The following TPRG1 variants were observed in gnomAD, a reference collection of about 807,000 sequenced individuals.
TPRG1 encodes the protein tumor protein p63 regulated 1.
A neutral mutation model predicts 29.3 loss-of-function variants in TPRG1; 29 were observed. That is an observed-to-expected ratio of 0.99 (90% CI 0.74 to 1.35). The LOEUF (loss-of-function observed/expected upper bound fraction) is 1.35, where lower values mean the gene tolerates loss of function less well. Among genes scored for constraint, TPRG1 ranks in the 40% most tolerant of loss-of-function variants. The probability of loss-of-function intolerance (pLI) is 0.00; values close to 1 mark genes in which losing one functional copy is unlikely to be tolerated. For missense variants in TPRG1, 327 were observed against 335.0 expected (o/e 0.98, Z 0.19); for synonymous variants, 130 against 116.8 (o/e 1.11, Z -0.73).
chr3:189,039,215 T>TGGAGCACAGTGAACCC (rs1178773240), intron 4 of TPRG1, among the ~76,000 whole-genome samples: 1 of 152,202 alleles, frequency 6.6e-6, no homozygotes, highest in Non-Finnish European at 1.5e-5. Context: ...CAGAAAGAAA[T>TGGAGCACAGTGAACCC]GGAGCACAGT....
At chr3:189,300,143 A>G (rs1453093567) in intron 4 of TPRG1, among the ~76,000 whole-genome samples, 1 of 152,202 alleles carries the variant, frequency 6.6e-6, no homozygotes, top group Non-Finnish European at 1.5e-5. Context: ...TCTTTTCTTC[A>G]TTGTCCTGTA....
chr3:189,053,727 G>A (rs773389759), intron 4 of TPRG1, among the ~76,000 whole-genome samples: 40 of 152,146 alleles, frequency 2.6e-4, no homozygotes, highest in Non-Finnish European at 4.0e-4. Flanking sequence ...TCAGTGATTG[G>A]CTTTCTGTGT....
intron 1 of TPRG1, among the ~76,000 whole-genome samples, chr3:189,122,296 G>A (rs919720729): frequency 3.9e-5 from 6 of 152,184 alleles, no homozygotes; most frequent in Non-Finnish European, 7.3e-5. Flanking sequence ...AGTTTGGAAG[G>A]TCAGAATGAT....
At chr3:189,030,364 ATT>A (rs927627882) in intron 4 of TPRG1, among the ~76,000 whole-genome samples, 6 of 152,140 alleles carry the variant, frequency 3.9e-5, no homozygotes, top group Non-Finnish European at 8.8e-5. Flanking sequence ...GATGTCTTGG[ATT>A]TTTTTCTGGC....
At chr3:189,167,145 T>A (rs1728261058), upstream of TPRG1, among the ~76,000 whole-genome samples, 1 of 152,092 alleles carries the variant, frequency 6.6e-6, no homozygotes, top group Non-Finnish European at 1.5e-5. Flanking sequence ...CATTGAGAGG[T>A]GACTGGATGG....
intron 5 of TPRG1, among the ~76,000 whole-genome samples, chr3:189,154,630 A>G (rs1726412662): frequency 6.6e-6 from 1 of 151,672 alleles, no homozygotes; most frequent in South Asian, 2.1e-4. Context: ...TTTAGTAGAG[A>G]TGGGGTTTCA....
chr3:189,107,566 C>T (rs541319226), intron 1 of TPRG1, among the ~76,000 whole-genome samples: 1 of 152,198 alleles, frequency 6.6e-6, no homozygotes, highest in African/African-American at 2.4e-5. Flanking sequence ...CACCCCTTAG[C>T]CTTTTTGTTT....
At chr3:189,088,116 T>G (rs1718083009) in intron 4 of TPRG1, among the ~76,000 whole-genome samples, 1 of 152,228 alleles carries the variant, frequency 6.6e-6, no homozygotes, top group African/African-American at 2.4e-5. Flanking sequence ...TTCATGATAT[T>G]GATTCTTCCT....
intron 3 of TPRG1, among the ~76,000 whole-genome samples, chr3:189,236,188 CAG>C (rs1469182987): frequency 1.3e-5 from 2 of 152,132 alleles, no homozygotes; most frequent in African/African-American, 4.8e-5. Context: ...GTAAATTATG[CAG>C]AGTTTGTGTC....
At chr3:189,105,907 G>A (rs1442604255) in intron 1 of TPRG1, among the ~76,000 whole-genome samples, 1 of 152,014 alleles carries the variant, frequency 6.6e-6, no homozygotes, top group Admixed American at 6.6e-5. Flanking sequence ...TTGGGTTTGG[G>A]GAGGGAAAGT....
At chr3:189,063,730 T>C (rs1393367592) in intron 4 of TPRG1, among the ~76,000 whole-genome samples, 1 of 152,070 alleles carries the variant, frequency 6.6e-6, no homozygotes, top group East Asian at 1.9e-4. Flanking sequence ...GAAACAATAA[T>C]GTGTCAAAAC....
chr3:189,315,299 T>C (rs1460670538), intron 5 of TPRG1, among the ~76,000 whole-genome samples: 7 of 151,696 alleles, frequency 4.6e-5, no homozygotes, highest in Non-Finnish European at 8.8e-5. Context: ...TGTGTGTGTG[T>C]GTGTGTGTGT....
chr3:189,215,664 G>T (rs1238807765), intron 3 of TPRG1, among the ~76,000 whole-genome samples: 1 of 151,962 alleles, frequency 6.6e-6, no homozygotes, highest in Non-Finnish European at 1.5e-5. Flanking sequence ...TGTTATATTG[G>T]CTTCCTAATT....
At chr3:189,090,275 G>T (rs1448730402) in intron 4 of TPRG1, among the ~76,000 whole-genome samples, 2 of 152,006 alleles carry the variant, frequency 1.3e-5, no homozygotes, top group African/African-American at 2.4e-5. Context: ...TTTTCAGGTG[G>T]ATTGTCATTT....
chr3:189,148,302 C>T (rs957211189), intron 4 of TPRG1, among the ~76,000 whole-genome samples: 1 of 152,172 alleles, frequency 6.6e-6, no homozygotes, highest in Non-Finnish European at 1.5e-5. Context: ...AAAACAGCAA[C>T]GTATAAAACA....
At chr3:189,037,738 A>G (rs914630327) in intron 4 of TPRG1, among the ~76,000 whole-genome samples, 2 of 151,868 alleles carry the variant, frequency 1.3e-5, no homozygotes, top group African/African-American at 4.8e-5. Flanking sequence ...GTATACAACT[A>G]GTAAGAGTAT....
At chr3:189,158,263 TCTTTATG>T (rs1380874759) in intron 5 of TPRG1, among the ~76,000 whole-genome samples, 5 of 152,196 alleles carry the variant, frequency 3.3e-5, no homozygotes, top group African/African-American at 9.7e-5. Flanking sequence ...ACTATTATTC[TCTTTATG>T]CAGCTGGGGG....
intron 5 of TPRG1, among the ~76,000 whole-genome samples, chr3:189,316,485 C>T (rs569734365): frequency 1.3e-5 from 2 of 152,250 alleles, no homozygotes; most frequent in South Asian, 4.1e-4. Context: ...GGCCTACAGG[C>T]ATGAAACCTG....
At chr3:189,108,946 G>A (rs1488863630) in intron 1 of TPRG1, among the ~76,000 whole-genome samples, 1 of 151,984 alleles carries the variant, frequency 6.6e-6, no homozygotes, top group Non-Finnish European at 1.5e-5. Flanking sequence ...TTGCCTCAGG[G>A]GAGGCAGGAA....
Sources: allele counts gnomAD v4.1 joint callset (sites outside exome capture counted in the v4.1 genomes callset), GRCh38; gene constraint gnomAD v4.1.1; transcripts MANE v1.5; gene names NCBI Gene and HGNC (gene_info 2026-07-23, HGNC 2026-07-21).